DAPP1: variants seen among roughly 807,000 people sequenced by gnomAD.
The protein encoded by DAPP1 is dual adapter for phosphotyrosine and 3-phosphotyrosine and 3-phosphoinositide.
Under a neutral mutation model 41.5 loss-of-function variants are expected in DAPP1, and 20 were observed. That is an observed-to-expected ratio of 0.48 (90% CI 0.34 to 0.70). The LOEUF (loss-of-function observed/expected upper bound fraction) is 0.70, where lower values mean the gene tolerates loss of function less well. DAPP1 is among the 30% of genes least tolerant of loss of function. DAPP1 has a pLI of 0.01. For missense variants in DAPP1, 233 were observed against 333.4 expected, an observed-to-expected ratio of 0.70 and a Z score of 2.35; for synonymous variants, 113 against 116.2, an observed-to-expected ratio of 0.97 and a Z score of 0.18.
intron 1 of DAPP1, among the ~76,000 whole-genome samples, chr4:99,830,550 T>C (rs936070255): frequency 2.0e-5 from 3 of 152,164 alleles, no homozygotes; most frequent in African/African-American, 7.2e-5. Flanking sequence ...CTCAATATCC[T>C]CCACCTTCAT....
intron 4 of DAPP1, among the ~76,000 whole-genome samples, chr4:99,861,110 G>A (rs1262138863): frequency 6.6e-6 from 1 of 152,186 alleles, no homozygotes; most frequent in Non-Finnish European, 1.5e-5. Context: ...TAGTAAAAAT[G>A]CTATTTCTAA....
chr4:99,822,848 C>T (rs908693084), intron 1 of DAPP1, among the ~76,000 whole-genome samples: 97 of 152,190 alleles, frequency 6.4e-4, no homozygotes, highest in African/African-American at 2.2e-3. Context: ...CCTCTGTGTC[C>T]TACTGCCTGA....
rs1723579519 is a variant in DAPP1, at chr4:99,843,966, TA to T, written c.358+3549del. On this transcript the variant is annotated intron_variant, in intron 3 of 8. Transcript: ENST00000512369. ...TGACAATTTTAACTTTCAAAGTTTA[TA>T]AAAACATAATTTGAAATGATATTTT... 2.0e-5 allele frequency among the ~76,000 whole-genome samples: 3 copies of T among 152,248 alleles called. No individual in the cohort carries two copies. The South Asian group carries it at 6.2e-4, about 32-fold the overall frequency.
rs1724525482 is a variant in DAPP1 at position 99,868,127 on chromosome 4, G to T, written c.785G>T (p.Arg262Ile). The T allele has an allele frequency of 1.2e-6, 2 of 1,613,700 alleles. No individual in the cohort carries two copies. The highest frequency in any genetic ancestry group is 1.7e-6 in the Non-Finnish European group (2 of 1,179,746). ...KILRWKLSQI[R>I]KQLNQGEGTI... ...TGTACTTTATTACAGTCACAAATAA[G>T]AAAACAGCTCAACCAAGGGGAAGGC... The change falls in exon 9 of 9, where the codon AGA becomes ATA. Residue 262 changes from arginine to isoleucine, a missense_variant. By Grantham distance (97) the Arg-to-Ile change is moderately conservative. Coordinates refer to ENST00000512369, the MANE Select transcript of DAPP1 (RefSeq NM_014395.3).
At chr4:99,861,557 C>G in intron 4 of DAPP1, 21 bp from the exon 5 acceptor site, 1 of 1,563,344 alleles carries the variant, frequency 6.4e-7, no homozygotes, top group Non-Finnish European at 8.7e-7. Context: ...CTGGTCTTCA[C>G]TCAGTGCTTT....
chr4:99,860,227 C>T (rs1724191465), intron 4 of DAPP1, among the ~76,000 whole-genome samples: 1 of 152,202 alleles, frequency 6.6e-6, no homozygotes. Flanking sequence ...CAGCCTTTGG[C>T]TTACCTATCA....
intron 4 of DAPP1, among the ~76,000 whole-genome samples, chr4:99,858,060 G>C (rs1415131189): frequency 6.6e-6 from 1 of 152,132 alleles, no homozygotes; most frequent in African/African-American, 2.4e-5. Context: ...CAAAAATAAG[G>C]GCATTTGCCT....
At chr4:99,863,226 A>G (rs1724303415) in intron 6 of DAPP1, among the ~76,000 whole-genome samples, 154 bp downstream of exon 6, 1 of 152,168 alleles carries the variant, frequency 6.6e-6, no homozygotes, top group Non-Finnish European at 1.5e-5. Context: ...AAATGAGCAG[A>G]GTTATTTTGC....
At chr4:99,855,681 C>T (rs932024642) in intron 4 of DAPP1, among the ~76,000 whole-genome samples, 2 of 152,198 alleles carry the variant, frequency 1.3e-5, no homozygotes, top group Non-Finnish European at 2.9e-5. Context: ...ATTGGGGAAT[C>T]ATTGGTGACT....
At chr4:99,839,736 A>G (rs1332163694) in intron 2 of DAPP1, among the ~76,000 whole-genome samples, 1 of 152,172 alleles carries the variant, frequency 6.6e-6, no homozygotes, top group Non-Finnish European at 1.5e-5. Flanking sequence ...CTAGGAGTAG[A>G]TAGGGAGAAC....
At chr4:99,834,596 C>T (rs17539386) in intron 1 of DAPP1, among the ~76,000 whole-genome samples, 10,126 of 151,742 alleles carry the variant, frequency 0.067, 399 homozygotes, top group Non-Finnish European at 0.1. Flanking sequence ...GAGGTTTCGC[C>T]GTGAAAAGGT....
chr4:99,823,938 T>C (rs79881688), intron 1 of DAPP1, among the ~76,000 whole-genome samples: 1,750 of 152,376 alleles, frequency 0.011, 41 homozygotes, highest in African/African-American at 0.039. Flanking sequence ...CTTTTGTGTA[T>C]GTTTTCAAAA....
chr4:99,816,844 T>A lies in DAPP1; in HGVS notation c.-70T>A. 2.9e-6 allele frequency: 4 copies of A among 1,372,806 alleles called. No homozygotes were observed. Among genetic ancestry groups the A allele is most frequent in the Non-Finnish European group, 4.0e-6 (4 of 998,198 alleles). The allele number at this position is 1,372,806 out of a possible 1,614,324, so 85.0% of individuals were successfully genotyped here. A position where few individuals can be genotyped will look rare whatever the true frequency, so the allele number is the denominator to read the frequency against. On this transcript the variant is annotated 5_prime_UTR_variant, in exon 1 of 9. Transcript: ENST00000512369. ...GACTCAGAGCCATAGCAGGCTGCTGTCTCACAGAGCGAGAAGGTGTCAGGA... is the reference window on the plus strand; with the variant it reads ...GACTCAGAGCCATAGCAGGCTGCTGACTCACAGAGCGAGAAGGTGTCAGGA...
chr4:99,867,559 C>CTA (rs1560712308), intron 8 of DAPP1, among the ~76,000 whole-genome samples: 2 of 152,188 alleles, frequency 1.3e-5, no homozygotes, highest in African/African-American at 4.8e-5. Flanking sequence ...ATGTGTACGG[C>CTA]TACTTTGAAA....
At chr4:99,841,118 A>G (rs1039086712) in intron 3 of DAPP1, among the ~76,000 whole-genome samples, 4 of 152,246 alleles carry the variant, frequency 2.6e-5, no homozygotes, top group African/African-American at 7.2e-5. Flanking sequence ...GTCCTAAATA[A>G]TGATAAATCT....
chr4:99,845,576 T>C (rs930621436), intron 3 of DAPP1, among the ~76,000 whole-genome samples: 61 of 152,378 alleles, frequency 4.0e-4, no homozygotes, highest in African/African-American at 1.5e-3. Flanking sequence ...GTCTTAGTCC[T>C]ATCCCTCAGT....
At chr4:99,840,829 G>A (rs971782559) in intron 3 of DAPP1, among the ~76,000 whole-genome samples, 1 of 152,050 alleles carries the variant, frequency 6.6e-6, no homozygotes, top group Non-Finnish European at 1.5e-5. Context: ...TATTAACTAG[G>A]AAGCACTCTC....
rs573220365 is a variant in DAPP1, at chr4:99,825,756, C to T, written c.101+8742C>T. Among the ~76,000 whole-genome samples, 49 of 152,272 alleles carry T rather than the reference C, an allele frequency of 3.2e-4. 1 individual carries two copies. The highest frequency in any genetic ancestry group is 1.0e-3 in the Admixed American group (16 of 15,294). ...ACTTCCAAAATCCTTTATAAGGCTTCGGCTTGATTCCCTCTATTTGAACAG... is the reference window on the plus strand; with the variant it reads ...ACTTCCAAAATCCTTTATAAGGCTTTGGCTTGATTCCCTCTATTTGAACAG... On this transcript the variant is annotated intron_variant, in intron 1 of 8. Coordinates refer to ENST00000512369, the MANE Select transcript of DAPP1 (RefSeq NM_014395.3).
At chr4:99,836,099 C>T (rs1421785617) in intron 2 of DAPP1, among the ~76,000 whole-genome samples, 1 of 152,200 alleles carries the variant, frequency 6.6e-6, no homozygotes, top group Non-Finnish European at 1.5e-5. Flanking sequence ...GTCCTTTTCA[C>T]TATTCTTTGA....
Sources: gnomAD v4.1 joint callset for allele counts (sites outside exome capture counted in the v4.1 genomes callset) on GRCh38, gnomAD v4.1.1 for gene constraint, MANE v1.5 for transcripts, NCBI Gene and HGNC (gene_info 2026-07-23, HGNC 2026-07-21) for gene names.